Variants in ANKS1B observed in about 807,000 individuals in gnomAD.
ANKS1B encodes ankyrin repeat and sterile alpha motif domain-containing protein 1B.
Under a neutral mutation model 148.3 loss-of-function variants are expected in ANKS1B, and 36 were observed. That is an observed-to-expected ratio of 0.24 (90% CI 0.19 to 0.32). The LOEUF is 0.32. ANKS1B is among the 10% of genes least tolerant of loss of function. ANKS1B has a pLI of 1.00. For synonymous variants in ANKS1B, 542 were observed against 560.8 expected (o/e 0.97, Z 0.47); for missense variants, 1,157 against 1,542.6 (o/e 0.75, Z 4.19).
chr12:99,496,124 G>T (rs1385791780), intron 10 of ANKS1B, among the ~76,000 whole-genome samples: 2 of 152,148 alleles, frequency 1.3e-5, no homozygotes, highest in Non-Finnish European at 2.9e-5. Context: ...AGTCTTTGCT[G>T]GTGGTTTTGT....
chr12:99,578,732 A>G (rs953743253), intron 9 of ANKS1B, among the ~76,000 whole-genome samples: 4 of 152,160 alleles, frequency 2.6e-5, no homozygotes, highest in Admixed American at 1.3e-4. Flanking sequence ...TTCCATGCTC[A>G]TGGATAGGAA....
At chr12:99,345,821 T>G (rs564724429) in intron 12 of ANKS1B, among the ~76,000 whole-genome samples, 1 of 151,972 alleles carries the variant, frequency 6.6e-6, no homozygotes, top group Non-Finnish European at 1.5e-5. Context: ...AGCCAAATGC[T>G]GTGGTTGGTA....
chr12:99,532,189 T>A (rs1030982782), intron 9 of ANKS1B, among the ~76,000 whole-genome samples: 3 of 152,226 alleles, frequency 2.0e-5, no homozygotes, highest in Non-Finnish European at 4.4e-5. Flanking sequence ...GTGCAGAAGC[T>A]TTTTCATTTA....
At chr12:99,878,691 G>A (rs573592808) in intron 1 of ANKS1B, among the ~76,000 whole-genome samples, 1 of 152,118 alleles carries the variant, frequency 6.6e-6, no homozygotes. Context: ...GGATACATGT[G>A]CTGAATGTGC....
At chr12:99,793,536 C>A (rs2065906141) in intron 4 of ANKS1B, among the ~76,000 whole-genome samples, 1 of 151,968 alleles carries the variant, frequency 6.6e-6, no homozygotes, top group Admixed American at 6.6e-5. Flanking sequence ...ACAGTGAACT[C>A]ATTTTCGACA....
intron 10 of ANKS1B, among the ~76,000 whole-genome samples, chr12:99,501,050 T>C (rs1288125087): frequency 1.3e-5 from 2 of 152,090 alleles, no homozygotes; most frequent in Non-Finnish European, 2.9e-5. Flanking sequence ...ATTGCATGTG[T>C]GTATGTGTAA....
chr12:99,352,464 CA>C (rs1027291660), intron 12 of ANKS1B, among the ~76,000 whole-genome samples: 4 of 151,410 alleles, frequency 2.6e-5, no homozygotes, highest in Admixed American at 6.6e-5. Flanking sequence ...CAAACGACTT[CA>C]AAAAAAACCA....
chr12:99,761,348 C>T (rs564281648), intron 8 of ANKS1B, among the ~76,000 whole-genome samples: 16 of 151,808 alleles, frequency 1.1e-4, no homozygotes, highest in African/African-American at 3.4e-4. Flanking sequence ...AAACTTACGA[C>T]GATGAAGGAG....
intron 8 of ANKS1B, among the ~76,000 whole-genome samples, chr12:99,745,986 G>T (rs768792973): frequency 5.9e-5 from 9 of 151,960 alleles, no homozygotes; most frequent in Non-Finnish European, 1.3e-4. Context: ...GCCATATACG[G>T]TTGGAAAAAT....
At chr12:99,405,161 C>A (rs551981333) in intron 11 of ANKS1B, among the ~76,000 whole-genome samples, 16 of 145,632 alleles carry the variant, frequency 1.1e-4, no homozygotes, top group Admixed American at 1.0e-3. Flanking sequence ...AAAGGGAGTT[C>A]TTCAGTGTGA....
At chr12:99,136,728 G>C (rs2068209434) in intron 15 of ANKS1B, among the ~76,000 whole-genome samples, 1 of 152,206 alleles carries the variant, frequency 6.6e-6, no homozygotes, top group South Asian at 2.1e-4. Flanking sequence ...TTTGCTTTTG[G>C]AGAGTGGGGC....
At chr12:99,567,600 G>T (rs985915841) in intron 9 of ANKS1B, among the ~76,000 whole-genome samples, 1 of 152,132 alleles carries the variant, frequency 6.6e-6, no homozygotes, top group African/African-American at 2.4e-5. Flanking sequence ...CAAGAAAAGT[G>T]GGTAAGAAAA....
intron 4 of ANKS1B, among the ~76,000 whole-genome samples, chr12:99,791,183 G>A (rs1251515156): frequency 6.6e-6 from 1 of 151,850 alleles, no homozygotes; most frequent in East Asian, 1.9e-4. Context: ...GACAAAGAAG[G>A]TCATTATATA....
At chr12:99,130,658 G>A (rs1043043497) in intron 15 of ANKS1B, among the ~76,000 whole-genome samples, 2 of 152,132 alleles carry the variant, frequency 1.3e-5, no homozygotes, top group African/African-American at 4.8e-5. Flanking sequence ...ACATGTCAGT[G>A]TGCTTACTCC....
chr12:99,577,254 A>C (rs984882778), intron 9 of ANKS1B, among the ~76,000 whole-genome samples: 6 of 151,300 alleles, frequency 4.0e-5, no homozygotes, highest in African/African-American at 1.4e-4. Context: ...AAATGTCTTA[A>C]ACATTTCTCC....
Position 98,776,401 on chromosome 12 carries a change from C to T in ANKS1B, c.3442-3222G>A, listed in dbSNP as rs563839026. 1.6e-4 allele frequency among the ~76,000 whole-genome samples: 24 copies of T among 152,292 alleles called. No individual in the cohort carries two copies. The South Asian group carries it at 3.7e-3, about 24-fold the overall frequency. ...CATTTCTAAGCACATTTTAAGAAGG[C>T]CAGAGCTTTAAAAGGCTCAAGAGAA... On this transcript the variant is annotated intron_variant, in intron 24 of 26. Coordinates refer to ENST00000683438, the MANE Select transcript of ANKS1B (RefSeq NM_001352186.2).
At chr12:99,184,738 G>T (rs2079581840) in intron 14 of ANKS1B, among the ~76,000 whole-genome samples, 1 of 152,192 alleles carries the variant, frequency 6.6e-6, no homozygotes, top group African/African-American at 2.4e-5. Context: ...ATGAAAGAAT[G>T]AATGGATAAA....
intron 15 of ANKS1B, among the ~76,000 whole-genome samples, chr12:99,142,473 T>C (rs1196602826): frequency 6.6e-6 from 1 of 152,022 alleles, no homozygotes; most frequent in Non-Finnish European, 1.5e-5. Flanking sequence ...TAGAGCAGAA[T>C]AAGAATTGAG....
In ANKS1B at chr12:99,476,204, C is replaced by T. The variant is rs1348073162; in HGVS notation, c.1438+28272G>A. On this transcript the variant is annotated intron_variant, in intron 10 of 26. Transcript: ENST00000683438. ...GGTCAGGAGTTCAAGGCCACCCTGG[C>T]CAACATGGTGAAATCCCATCTCTAC... is the stretch of plus-strand genomic sequence containing the variant. Among the ~76,000 whole-genome samples, 3 of 152,082 alleles carry T rather than the reference C, an allele frequency of 2.0e-5. No individual in the cohort carries two copies. In the East Asian group the frequency reaches 5.8e-4, roughly 29 times the overall value.
Sources: allele counts gnomAD v4.1 joint callset (sites outside exome capture counted in the v4.1 genomes callset), GRCh38; gene constraint gnomAD v4.1.1; transcripts MANE v1.5; gene names NCBI Gene and HGNC (gene_info 2026-07-23, HGNC 2026-07-21).